The following PRKN variants were observed in gnomAD, a reference collection of about 807,000 sequenced individuals.
PRKN encodes parkin RBR E3 ubiquitin protein ligase.
A neutral mutation model predicts 59.5 loss-of-function variants in PRKN; 56 were observed. The ratio of observed to expected loss-of-function variants is 0.94; its 90% CI spans 0.76 to 1.18. The LOEUF (loss-of-function observed/expected upper bound fraction) is 1.18, where lower values mean the gene tolerates loss of function less well. Ranked by LOEUF, PRKN falls within the 50% of genes most tolerant of loss-of-function variation. The pLI, the probability that PRKN is intolerant of heterozygous loss-of-function variation, is 0.00. For missense variants in PRKN, 657 were observed against 596.4 expected (o/e 1.10, Z -1.06); for synonymous variants, 250 against 222.1 (o/e 1.13, Z -1.12).
intron 1 of PRKN, among the ~76,000 whole-genome samples, chr6:162,458,191 G>C (rs1310898463): frequency 1.5e-5 from 2 of 137,406 alleles, no homozygotes; most frequent in Non-Finnish European, 3.3e-5. Context: ...GGGAGGTAGA[G>C]GTTGCAGTGA....
rs1402005402 is a variant in PRKN at position 161,399,002 on chromosome 6, A to T, written c.1084-12125T>A. ...GCCTTTTGGCCTGTCATGCCCCCCT[A>T]TCCTGTCCCTATATAAACTCCAAAC... is the stretch of plus-strand genomic sequence containing the variant. On this transcript the variant is annotated intron_variant, in intron 9 of 11. Coordinates refer to ENST00000366898, the MANE Select transcript of PRKN (RefSeq NM_004562.3). This position sits in a 1 kb window ranked among gnomAD's most constrained non-coding sequence, Gnocchi z 4.4. Among the ~76,000 whole-genome samples, 2 of 152,098 alleles carry T rather than the reference A, an allele frequency of 1.3e-5. No individual in the cohort carries two copies. Among genetic ancestry groups the T allele is most frequent in the African/African-American group, 4.8e-5 (2 of 41,414 alleles).
chr6:162,575,951 T>C (rs1780539082), intron 1 of PRKN, among the ~76,000 whole-genome samples: 1 of 152,180 alleles, frequency 6.6e-6, no homozygotes, highest in Non-Finnish European at 1.5e-5. Flanking sequence ...TTGCATTCTG[T>C]AGCCATAAAA....
chr6:161,933,991 T>C (rs1374346397), intron 6 of PRKN, among the ~76,000 whole-genome samples: 1 of 152,262 alleles, frequency 6.6e-6, no homozygotes, highest in East Asian at 1.9e-4. Flanking sequence ...ATAATGCTGA[T>C]ATGGTTAGGC....
At chr6:161,486,282 A>G (rs1791640138) in intron 9 of PRKN, among the ~76,000 whole-genome samples, 1 of 152,178 alleles carries the variant, frequency 6.6e-6, no homozygotes, top group East Asian at 1.9e-4. Context: ...CAATTTTGTA[A>G]TGCACTTTAT....
At chr6:161,523,540 C>T (rs1042883022) in intron 9 of PRKN, among the ~76,000 whole-genome samples, 1 of 152,152 alleles carries the variant, frequency 6.6e-6, no homozygotes, top group Non-Finnish European at 1.5e-5. Context: ...GCATTAGACA[C>T]AAAATCGCAA....
intron 1 of PRKN, among the ~76,000 whole-genome samples, chr6:162,520,986 T>C (rs551894749): frequency 3.6e-4 from 55 of 152,320 alleles, no homozygotes; most frequent in Middle Eastern, 3.4e-3. Context: ...TAAACATTCA[T>C]GCCAGACTAA....
chr6:162,482,507 A>C (rs989010333), intron 1 of PRKN, among the ~76,000 whole-genome samples: 2 of 152,208 alleles, frequency 1.3e-5, no homozygotes, highest in African/African-American at 4.8e-5. Flanking sequence ...AGAGTGCATC[A>C]GGGGTTAAGC....
chr6:162,346,948 T>C (rs1014065745), intron 2 of PRKN, among the ~76,000 whole-genome samples: 33 of 151,966 alleles, frequency 2.2e-4, no homozygotes, highest in Non-Finnish European at 2.9e-5. Context: ...AGTCATATCA[T>C]CCTTTAACAA....
chr6:161,570,124 TA>T (rs55699586), intron 7 of PRKN, among the ~76,000 whole-genome samples: 6,005 of 51,126 alleles, frequency 0.12, 381 homozygotes, highest in Non-Finnish European at 0.15. Flanking sequence ...AGTAAATAGG[TA>T]AAAAAAAAAA....
chr6:161,553,829 A>G (rs1780130844), intron 8 of PRKN, among the ~76,000 whole-genome samples: 1 of 152,226 alleles, frequency 6.6e-6, no homozygotes, highest in Admixed American at 6.5e-5. Context: ...GCCAATGGCA[A>G]TCCTATCAAG....
chr6:162,361,604 G>A (rs1191575866), intron 2 of PRKN, among the ~76,000 whole-genome samples: 3 of 152,016 alleles, frequency 2.0e-5, no homozygotes, highest in Admixed American at 6.6e-5. Flanking sequence ...GACTAATACC[G>A]ACAGACCAAG....
intron 6 of PRKN, among the ~76,000 whole-genome samples, chr6:161,805,480 A>G (rs1377218287): frequency 6.1e-5 from 9 of 148,042 alleles, no homozygotes; most frequent in African/African-American, 2.3e-4. Context: ...ACACACACAC[A>G]TGCATGTACA....
intron 9 of PRKN, among the ~76,000 whole-genome samples, chr6:161,532,092 T>C (rs1174371708): frequency 6.6e-6 from 1 of 151,692 alleles, no homozygotes; most frequent in Non-Finnish European, 1.5e-5. Context: ...TTCACTATGA[T>C]TAGTTCTATT....
At chr6:162,090,154 GTGT>G (rs1261815781) in intron 4 of PRKN, among the ~76,000 whole-genome samples, 1 of 151,378 alleles carries the variant, frequency 6.6e-6, no homozygotes, top group Non-Finnish European at 1.5e-5. Context: ...GTGTGTGTGT[GTGT>G]CTGTGTACAG....
At chr6:161,948,518 C>T (rs138948066) in intron 6 of PRKN, among the ~76,000 whole-genome samples, 25 of 152,220 alleles carry the variant, frequency 1.6e-4, no homozygotes, top group African/African-American at 5.8e-4. Flanking sequence ...TAGCACATTG[C>T]ATTATGACAC....
At chr6:162,048,800 C>T (rs542558536) in intron 5 of PRKN, among the ~76,000 whole-genome samples, 145 of 150,926 alleles carry the variant, frequency 9.6e-4, no homozygotes, top group Non-Finnish European at 1.8e-3. Flanking sequence ...GGGCTGCATA[C>T]GGTGCCGTGG....
In PRKN at chr6:161,377,132, G is replaced by A. The variant is rs138823675; in HGVS notation, c.1167+9662C>T. Among the ~76,000 whole-genome samples, 2 of 152,368 alleles carry A rather than the reference G, an allele frequency of 1.3e-5. No homozygotes were observed. Among genetic ancestry groups the A allele is most frequent in the Non-Finnish European group, 2.9e-5 (2 of 68,032 alleles). ...AGAGGTCACGTGGGGCTACCTGCGG[G>A]CCAATAAGAGCATCCCAGCAAAGAT... On this transcript the variant is annotated intron_variant, in intron 10 of 11. Transcript: ENST00000366898. The surrounding 1 kb of genome is among the most constrained non-coding windows in gnomAD (Gnocchi z 4.2).
At chr6:162,214,776 G>GT (rs1353045060) in intron 3 of PRKN, among the ~76,000 whole-genome samples, 2 of 152,210 alleles carry the variant, frequency 1.3e-5, no homozygotes, top group African/African-American at 4.8e-5. Flanking sequence ...ATTGGTCATG[G>GT]TATCTTATGA....
chr6:161,754,043 G>A (rs981903342), intron 7 of PRKN, among the ~76,000 whole-genome samples: 1 of 152,090 alleles, frequency 6.6e-6, no homozygotes, highest in Non-Finnish European at 1.5e-5. Context: ...AGTAAAATGG[G>A]TGAGCCCAGT....
Sources: gnomAD v4.1 joint callset for allele counts (sites outside exome capture counted in the v4.1 genomes callset) on GRCh38, gnomAD v4.1.1 for gene constraint, Gnocchi (gnomAD v3.1) non-coding constraint, MANE v1.5 for transcripts, NCBI Gene and HGNC (gene_info 2026-07-23, HGNC 2026-07-21) for gene names.